Variants in CBL observed in about 807,000 individuals in gnomAD.
CBL encodes Cbl proto-oncogene.
Under a neutral mutation model 96.9 loss-of-function variants are expected in CBL, and 45 were observed. The ratio of observed to expected loss-of-function variants is 0.46; its 90% confidence interval spans 0.37 to 0.60. The LOEUF is 0.60. CBL is among the 20% of genes least tolerant of loss of function. The probability of loss-of-function intolerance (pLI) is 0.00; values close to 1 mark genes in which losing one functional copy is unlikely to be tolerated. For synonymous variants in CBL, 420 were observed against 426.8 expected, an observed-to-expected ratio of 0.98 and a Z score of 0.20; for missense variants, 1,024 against 1,143.5, an observed-to-expected ratio of 0.90 and a Z score of 1.51.
In CBL at chr11:119,300,108, T is replaced by G. The variant is rs746071325; in HGVS notation, c.*327T>G. 3 of 551,306 alleles carry G rather than the reference T, an allele frequency of 5.4e-6. No homozygotes were observed. The highest frequency in any genetic ancestry group is 9.7e-6 in the Non-Finnish European group (3 of 309,156). 34.2% of individuals were successfully genotyped at this position (551,306 alleles called of 1,614,324 possible). ...CAAGTATTTTGCTGGAAATCCTAAT[T>G]GAGGACTTAAGACTTCCTGGGTTAA... On this transcript the variant is annotated 3_prime_UTR_variant, in exon 16 of 16. Transcript: ENST00000264033.
At chr11:119,239,748 T>G (rs936983484) in intron 2 of CBL, among the ~76,000 whole-genome samples, 2 of 152,114 alleles carry the variant, frequency 1.3e-5, no homozygotes, top group Admixed American at 6.5e-5. Context: ...TAAAGAAGTT[T>G]CCTTACATGT....
intron 2 of CBL, among the ~76,000 whole-genome samples, chr11:119,255,430 GATT>G (rs1203406258): frequency 6.6e-6 from 1 of 152,074 alleles, no homozygotes; most frequent in Non-Finnish European, 1.5e-5. Context: ...ACTGTGAGAT[GATT>G]ATATGTTTTT....
intron 13 of CBL, 146 bp from the exon 14 acceptor site, chr11:119,297,238 A>G: frequency 1.3e-6 from 1 of 775,992 alleles, no homozygotes; most frequent in Non-Finnish European, 2.3e-6. Flanking sequence ...TGAGAACCTC[A>G]AAAACACATA....
chr11:119,218,097 G>C (rs929957212), intron 1 of CBL, among the ~76,000 whole-genome samples: 1 of 152,046 alleles, frequency 6.6e-6, no homozygotes, highest in East Asian at 1.9e-4. Context: ...AAAAGGAAAA[G>C]AAACAGCTGA....
chr11:119,241,020 G>A (rs1026320805), intron 2 of CBL, among the ~76,000 whole-genome samples: 5 of 152,104 alleles, frequency 3.3e-5, no homozygotes, highest in Admixed American at 6.6e-5. Flanking sequence ...TTGCAGAGCC[G>A]AGATTGTGCC....
In CBL at chr11:119,264,566, C is replaced by T. The variant is rs1592393639; in HGVS notation, c.444-7169C>T. ...GGCATGATCTCTGCTGACTGTACCT[C>T]CACCTCCAGGGCTCAAGCCATCCTC... On this transcript the variant is annotated intron_variant, in intron 2 of 15. Coordinates refer to ENST00000264033, the MANE Select transcript of CBL (RefSeq NM_005188.4). Among the ~76,000 whole-genome samples the T allele has an allele frequency of 3.3e-5, 5 of 152,030 alleles. No individual in the cohort carries two copies. In the South Asian group the frequency reaches 1.0e-3, roughly 32 times the overall value.
chr11:119,295,621 G>A (rs952173283), intron 12 of CBL, among the ~76,000 whole-genome samples: 3 of 152,116 alleles, frequency 2.0e-5, no homozygotes, highest in Non-Finnish European at 1.5e-5. Context: ...CACCTACTGA[G>A]GAGGCTGAGT....
chr11:119,268,063 G>A (rs1365701346), intron 2 of CBL, among the ~76,000 whole-genome samples: 1 of 152,214 alleles, frequency 6.6e-6, no homozygotes, highest in Non-Finnish European at 1.5e-5. Context: ...GAACATACTA[G>A]TGAAGAACTA....
chr11:119,210,988 G>T (rs577736255), intron 1 of CBL, among the ~76,000 whole-genome samples: 3 of 152,058 alleles, frequency 2.0e-5, no homozygotes, highest in Non-Finnish European at 2.9e-5. Context: ...TATAAATTAG[G>T]CACAGTGAGA....
chr11:119,281,748 C>T (rs890045698), intron 9 of CBL, among the ~76,000 whole-genome samples: 1 of 152,164 alleles, frequency 6.6e-6, no homozygotes, highest in South Asian at 2.1e-4. Context: ...CCGCCTGCCT[C>T]GGCCTCCCAC....
chr11:119,266,032 A>AAAAAAAAAAAAAAAAG (rs1213584463), intron 2 of CBL, among the ~76,000 whole-genome samples: 1 of 148,862 alleles, frequency 6.7e-6, no homozygotes, highest in African/African-American at 2.4e-5. Context: ...AAAAAAAAAA[A>AAAAAAAAAAAAAAAAG]AAAGAAAGAA....
intron 12 of CBL, among the ~76,000 whole-genome samples, chr11:119,293,821 C>A (rs199995972): frequency 6.6e-6 from 1 of 152,164 alleles, no homozygotes; most frequent in African/African-American, 2.4e-5. Context: ...ATGGTGAGGG[C>A]CTTCCTGCTG....
At chr11:119,229,363 C>T (rs1179516479) in intron 1 of CBL, among the ~76,000 whole-genome samples, 1 of 152,112 alleles carries the variant, frequency 6.6e-6, no homozygotes, top group South Asian at 2.1e-4. Context: ...GACTTGAACA[C>T]TTGATAAGAA....
At chr11:119,280,813 A>T (rs1385067288) in intron 9 of CBL, among the ~76,000 whole-genome samples, 1 of 152,012 alleles carries the variant, frequency 6.6e-6, no homozygotes, top group African/African-American at 2.4e-5. Flanking sequence ...TAGGTCTCTT[A>T]TATCTCCCTC....
At chr11:119,246,308 C>G (rs1281432697) in intron 2 of CBL, among the ~76,000 whole-genome samples, 1 of 152,046 alleles carries the variant, frequency 6.6e-6, no homozygotes, top group East Asian at 1.9e-4. Flanking sequence ...TAAGAGAATA[C>G]AGCTGGAGTT....
In CBL at chr11:119,249,670, T is replaced by C. The variant is rs113192977; in HGVS notation, c.443+16975T>C. Among the ~76,000 whole-genome samples the C allele has an allele frequency of 7.8e-3, 1,184 of 151,886 alleles. 17 individuals are homozygous for C. The highest frequency in any genetic ancestry group is 0.024 in the African/African-American group (977 of 41,440). The stretch of plus-strand genomic sequence containing the variant: ...GTACAGTTTCTTTCTTTCTTTCTTT[T>C]TTTTTTTTTAATTGAGACAGGGTCT... On this transcript the variant is annotated intron_variant, in intron 2 of 15. Transcript: ENST00000264033.
At chr11:119,297,061 CCCTATA>C in intron 13 of CBL, 27 bp downstream of exon 13, 1 of 1,196,170 alleles carries the variant, frequency 8.4e-7, no homozygotes, top group South Asian at 1.2e-5. Flanking sequence ...CCTTTTTGGG[CCCTATA>C]CCTTTATGTG....
intron 12 of CBL, among the ~76,000 whole-genome samples, chr11:119,295,405 C>T (rs1950056679): frequency 6.6e-6 from 1 of 152,062 alleles, no homozygotes; most frequent in African/African-American, 2.4e-5. Context: ...TTCACTGACA[C>T]CGTGTGGCCA....
At chr11:119,207,012 A>G (rs1949275280) in intron 1 of CBL, among the ~76,000 whole-genome samples, 1 of 151,724 alleles carries the variant, frequency 6.6e-6, no homozygotes. Flanking sequence ...GGTGAGGAAG[A>G]GTGATGTACC....
Sources: gnomAD v4.1 joint callset for allele counts (sites outside exome capture counted in the v4.1 genomes callset) on GRCh38, gnomAD v4.1.1 for gene constraint, MANE v1.5 for transcripts, NCBI Gene and HGNC (gene_info 2026-07-23, HGNC 2026-07-21) for gene names.